The following ADAMTS19 variants were observed in gnomAD, a reference collection of about 807,000 sequenced individuals.
ADAMTS19 encodes ADAM metallopeptidase with thrombospondin type 1 motif 19.
Under a neutral mutation model 153.3 loss-of-function variants are expected in ADAMTS19, and 93 were observed. The observed-to-expected ratio is 0.61, with a 90% CI of 0.51 to 0.72. ADAMTS19 has a LOEUF of 0.72. Among genes scored for constraint, ADAMTS19 ranks in the 30% least tolerant of loss-of-function variants. The pLI is 0.00. For missense variants in ADAMTS19, 1,482 were observed against 1,552.1 expected (o/e 0.95, Z 0.76); for synonymous variants, 600 against 556.6 (o/e 1.08, Z -1.10).
intron 8 of ADAMTS19, among the ~76,000 whole-genome samples, chr5:129,602,459 A>G (rs1581132846): frequency 1.3e-5 from 2 of 152,298 alleles, no homozygotes; most frequent in East Asian, 3.9e-4. Flanking sequence ...TAAAAACAAC[A>G]GTGTCTTCTT....
At chr5:129,460,679 T>A (rs1749617156) in intron 1 of ADAMTS19, 197 bp downstream of exon 1, 1 of 625,882 alleles carries the variant, frequency 1.6e-6, no homozygotes, top group Non-Finnish European at 2.8e-6. Flanking sequence ...GTTTTAACCG[T>A]ATGTGGAATA....
chr5:129,711,538 G>A (rs151049004), intron 21 of ADAMTS19, among the ~76,000 whole-genome samples: 5,328 of 152,090 alleles, frequency 0.035, 288 homozygotes, highest in African/African-American at 0.12. Context: ...TTAGCCGGGC[G>A]TGGCAGCGGG....
intron 8 of ADAMTS19, among the ~76,000 whole-genome samples, chr5:129,602,826 CTGTGTGTGTG>C (rs56060749): frequency 2.0e-5 from 3 of 146,714 alleles, no homozygotes; most frequent in East Asian, 2.0e-4. Flanking sequence ...CTTATATTCT[CTGTGTGTGTG>C]TGTGTGTGTG....
At chr5:129,595,664 G>A (rs7448395) in intron 7 of ADAMTS19, among the ~76,000 whole-genome samples, 101,716 of 151,726 alleles carry the variant, frequency 0.67, 36,005 homozygotes, top group Non-Finnish European at 0.79. Context: ...AACCTCCTAC[G>A]CCTAAATATC....
rs142251982 is a variant in ADAMTS19, at chr5:129,731,611, G to A, written c.3313-3321G>A. On this transcript the variant is annotated intron_variant, in intron 21 of 22. Transcript: ENST00000274487. Reference sequence around the variant, plus strand: ...AATCATACAATAGTACATTAGATTTGAGATAATGAGGATTTGTGCAGAATG... The same window carrying A: ...AATCATACAATAGTACATTAGATTTAAGATAATGAGGATTTGTGCAGAATG... Among the ~76,000 whole-genome samples, 78 of 152,190 alleles carry A rather than the reference G, an allele frequency of 5.1e-4. No homozygotes were observed. The East Asian group carries it at 0.011, about 21-fold the overall frequency.
chr5:129,521,585 G>C (rs947960107), intron 3 of ADAMTS19, among the ~76,000 whole-genome samples: 1 of 152,028 alleles, frequency 6.6e-6, no homozygotes, highest in Non-Finnish European at 1.5e-5. Context: ...CCAAAGAATT[G>C]GTTTAACATC....
intron 2 of ADAMTS19, among the ~76,000 whole-genome samples, chr5:129,463,865 C>A (rs1262709299): frequency 2.0e-5 from 3 of 152,166 alleles, no homozygotes; most frequent in Non-Finnish European, 2.9e-5. Context: ...ATAGAATGTT[C>A]TGCCTTTTAG....
chr5:129,503,358 CA>C (rs1381129406), intron 2 of ADAMTS19, among the ~76,000 whole-genome samples: 2 of 152,016 alleles, frequency 1.3e-5, no homozygotes, highest in Non-Finnish European at 2.9e-5. Context: ...ATAGAATACA[CA>C]AATGCATGAC....
At chr5:129,572,465 T>C (rs750835271) in intron 7 of ADAMTS19, among the ~76,000 whole-genome samples, 1 of 151,972 alleles carries the variant, frequency 6.6e-6, no homozygotes, top group Non-Finnish European at 1.5e-5. Context: ...TAAAGCCTGA[T>C]CACAAATGTT....
Position 129,645,928 on chromosome 5 carries a change from G to A in ADAMTS19, c.1873-1837G>A, listed in dbSNP as rs866333027. On this transcript the variant is annotated intron_variant, in intron 11 of 22. Transcript: ENST00000274487. ...TTTTGAGACGGAGTCTCGCTCTGTC[G>A]CCCAGGCTGGAGTGCAGTGGCGGGA... is the stretch of plus-strand genomic sequence containing the variant. Among the ~76,000 whole-genome samples, 5 of 99,292 alleles carry A rather than the reference G, an allele frequency of 5.0e-5. 1 individual carries two copies. Among genetic ancestry groups the A allele is most frequent in the Middle Eastern group, 8.5e-3 (1 of 118 alleles). 65.1% of individuals were successfully genotyped at this position (99,292 alleles called of 152,430 possible). A position where few individuals can be genotyped will look rare whatever the true frequency, so the allele number is the denominator to read the frequency against.
chr5:129,549,163 A>T (rs1752973675), intron 6 of ADAMTS19, among the ~76,000 whole-genome samples: 1 of 150,162 alleles, frequency 6.7e-6, no homozygotes, highest in Admixed American at 6.7e-5. Context: ...GTACCCTAAA[A>T]CTTAAAGTAT....
At chr5:129,500,190 A>G (rs1489751572) in intron 2 of ADAMTS19, among the ~76,000 whole-genome samples, 1 of 152,180 alleles carries the variant, frequency 6.6e-6, no homozygotes, top group Non-Finnish European at 1.5e-5. Context: ...AGAAGAAATT[A>G]CATCCAGTGA....
intron 7 of ADAMTS19, among the ~76,000 whole-genome samples, chr5:129,552,961 C>A (rs977880246): frequency 6.6e-6 from 1 of 152,014 alleles, no homozygotes; most frequent in African/African-American, 2.4e-5. Context: ...AAGAGCTGGG[C>A]ACCTAAGGAA....
At chr5:129,619,313 C>T (rs1751671704) in intron 8 of ADAMTS19, among the ~76,000 whole-genome samples, 1 of 152,016 alleles carries the variant, frequency 6.6e-6, no homozygotes, top group African/African-American at 2.4e-5. Context: ...GGACAAGTTA[C>T]TTCTCATCTG....
chr5:129,494,581 T>C (rs116538257), intron 2 of ADAMTS19, among the ~76,000 whole-genome samples: 129 of 152,296 alleles, frequency 8.5e-4, no homozygotes, highest in African/African-American at 3.0e-3. Flanking sequence ...CCTCTTTGTT[T>C]AACTCTGTGA....
chr5:129,493,675 A>G (rs1249593324), intron 2 of ADAMTS19, among the ~76,000 whole-genome samples: 1 of 152,208 alleles, frequency 6.6e-6, no homozygotes, highest in Admixed American at 6.5e-5. Flanking sequence ...TCTCTTAGAT[A>G]AGAACATTAA....
intron 7 of ADAMTS19, among the ~76,000 whole-genome samples, chr5:129,595,555 AT>A (rs1291994674): frequency 6.6e-6 from 1 of 151,956 alleles, no homozygotes; most frequent in Non-Finnish European, 1.5e-5. Context: ...TCTGCATTAA[AT>A]TTTTTTTAGA....
At chr5:129,624,357 C>T (rs1561610715) in intron 10 of ADAMTS19, among the ~76,000 whole-genome samples, 1 of 152,042 alleles carries the variant, frequency 6.6e-6, no homozygotes, top group African/African-American at 2.4e-5. Context: ...ACCTCTGAGT[C>T]TTTAGACAAT....
intron 2 of ADAMTS19, among the ~76,000 whole-genome samples, chr5:129,477,691 C>G (rs1750269788): frequency 6.6e-6 from 1 of 152,204 alleles, no homozygotes; most frequent in African/African-American, 2.4e-5. Flanking sequence ...AATAACTTGG[C>G]TGCTCTTGCC....
Sources: gnomAD v4.1 joint callset for allele counts (sites outside exome capture counted in the v4.1 genomes callset) on GRCh38, gnomAD v4.1.1 for gene constraint, MANE v1.5 for transcripts, NCBI Gene and HGNC (gene_info 2026-07-23, HGNC 2026-07-21) for gene names.